The following ANO3 variants were observed in gnomAD, a reference collection of about 807,000 sequenced individuals.
ANO3 encodes anoctamin 3, also known as anoctamin-3.
A neutral mutation model predicts 144.8 loss-of-function variants in ANO3; 99 were observed. The ratio of observed to expected loss-of-function variants is 0.68; its 90% CI spans 0.58 to 0.81. The LOEUF (loss-of-function observed/expected upper bound fraction) is 0.81. Ranked by LOEUF, ANO3 falls within the 30% of genes least tolerant of loss-of-function variation. The pLI, the probability that ANO3 is intolerant of heterozygous loss-of-function variation, is 0.00. For missense variants in ANO3, 905 were observed against 1,202.2 expected (o/e 0.75, Z 3.66); for synonymous variants, 414 against 392.6 (o/e 1.05, Z -0.64).
chr11:26,207,205 C>CT lies in ANO3; in HGVS notation c.154+17877dup, dbSNP rs200720394. Among the ~76,000 whole-genome samples the CT allele has an allele frequency of 5.3e-3, 800 of 151,980 alleles. 26 individuals carry two copies. The highest frequency in any genetic ancestry group is 0.034 in the Admixed American group (514 of 15,230). Reference sequence around the variant, plus strand: ...TAGGGTATATCTTATGTTAAGTGTTCTTGTAACAAATAGTAATCAATAAAG... The same window carrying CT: ...TAGGGTATATCTTATGTTAAGTGTTCTTTGTAACAAATAGTAATCAATAAAG... On this transcript the variant is annotated intron_variant, in intron 1 of 27. Transcript: ENST00000672621.
intron 3 of ANO3, among the ~76,000 whole-genome samples, chr11:26,445,083 A>G (rs1407125489): frequency 6.6e-6 from 1 of 152,176 alleles, no homozygotes; most frequent in Non-Finnish European, 1.5e-5. Context: ...GAATATTTGT[A>G]TTATATACTT....
chr11:26,407,415 A>G (rs1857317930), intron 1 of ANO3, among the ~76,000 whole-genome samples: 1 of 151,736 alleles, frequency 6.6e-6, no homozygotes, highest in African/African-American at 2.4e-5. Context: ...AACATATTCT[A>G]GTACTGACAG....
At chr11:26,632,567 TA>T (rs1369451469) in intron 18 of ANO3, among the ~76,000 whole-genome samples, 2 of 145,942 alleles carry the variant, frequency 1.4e-5, no homozygotes, top group Admixed American at 6.9e-5. Context: ...TATAAATATA[TA>T]AAAAATATAC....
At chr11:26,329,411 C>T (rs1018918918), upstream of ANO3, among the ~76,000 whole-genome samples, 2 of 152,050 alleles carry the variant, frequency 1.3e-5, no homozygotes, top group Admixed American at 1.3e-4. Flanking sequence ...TCCTCGGCCC[C>T]TCACAAAGCT....
chr11:26,285,331 A>T lies in ANO3; in HGVS notation c.155-24314A>T, dbSNP rs374856335. Among the ~76,000 whole-genome samples, 3 of 152,238 alleles carry T rather than the reference A, an allele frequency of 2.0e-5. No individual in the cohort carries two copies. In the South Asian group the frequency reaches 6.2e-4, roughly 32 times the overall value. On this transcript the variant is annotated intron_variant, in intron 1 of 27. Coordinates refer to the ANO3 transcript ENST00000672621. ...ACTGTGATGGAAAAAGAATCTAAAAATAAAGCAAGACATGTTGTATGAAAT... is the reference window on the plus strand; with the variant it reads ...ACTGTGATGGAAAAAGAATCTAAAATTAAAGCAAGACATGTTGTATGAAAT...
At chr11:26,361,119 T>C (rs1855915456) in intron 1 of ANO3, among the ~76,000 whole-genome samples, 1 of 152,180 alleles carries the variant, frequency 6.6e-6, no homozygotes, top group Admixed American at 6.5e-5. Flanking sequence ...AATTTAACTA[T>C]ATCGGAGGTT....
rs10501059 is a variant in ANO3 at position 26,647,620 on chromosome 11, A to C, written c.2429-89A>C. ...GTGGACAGAGCTGTGGTTCCAACATAAGTAAAACATTATTTCCAAAATAAG... is the reference window on the plus strand; with the variant it reads ...GTGGACAGAGCTGTGGTTCCAACATCAGTAAAACATTATTTCCAAAATAAG... On this transcript the variant is annotated intron_variant, in intron 23 of 26. Transcript: ENST00000256737. 0.21 allele frequency: 266,626 copies of C among 1,274,500 alleles called. 29,090 individuals carry two copies. Among genetic ancestry groups the C allele is most frequent in the East Asian group, 0.33 (13,951 of 42,476 alleles). 78.9% of individuals were successfully genotyped at this position (1,274,500 alleles called of 1,614,324 possible).
intron 14 of ANO3, among the ~76,000 whole-genome samples, chr11:26,597,501 G>A (rs1490907285): frequency 6.6e-6 from 1 of 152,192 alleles, no homozygotes; most frequent in Admixed American, 6.5e-5. Context: ...GCCGGATCTG[G>A]AGGGGTTGAA....
chr11:26,564,777 A>T (rs541673691), intron 14 of ANO3, among the ~76,000 whole-genome samples: 2 of 101,654 alleles, frequency 2.0e-5, no homozygotes, highest in Non-Finnish European at 2.1e-5. Flanking sequence ...ATATATATAT[A>T]TATATATAAG....
intron 4 of ANO3, among the ~76,000 whole-genome samples, chr11:26,487,332 T>A (rs915013667): frequency 6.6e-6 from 1 of 152,210 alleles, no homozygotes; most frequent in African/African-American, 2.4e-5. Flanking sequence ...ATGTAAGAAG[T>A]GCATTTTGCC....
chr11:26,365,716 TC>T (rs1856050990), intron 1 of ANO3, among the ~76,000 whole-genome samples: 1 of 152,092 alleles, frequency 6.6e-6, no homozygotes, highest in South Asian at 2.1e-4. Context: ...AGTAGCAGTG[TC>T]CCAAGGCTGT....
At chr11:26,204,061 C>T (rs1236320828) in intron 1 of ANO3, among the ~76,000 whole-genome samples, 1 of 152,038 alleles carries the variant, frequency 6.6e-6, no homozygotes, top group Non-Finnish European at 1.5e-5. Flanking sequence ...CCTTTGAGTG[C>T]CCAAATGCCA....
At chr11:26,534,431 T>C in intron 8 of ANO3, 25 bp from the exon 9 acceptor site, 1 of 1,506,920 alleles carries the variant, frequency 6.6e-7, no homozygotes, top group Non-Finnish European at 9.2e-7. Flanking sequence ...CTTTGAATAT[T>C]AAACCAATCC....
intron 1 of ANO3, among the ~76,000 whole-genome samples, chr11:26,299,807 G>A (rs1023773663): frequency 2.0e-5 from 3 of 152,112 alleles, no homozygotes; most frequent in Non-Finnish European, 2.9e-5. Context: ...AATACAGTTC[G>A]TTTATCTAGA....
intron 1 of ANO3, among the ~76,000 whole-genome samples, chr11:26,340,596 G>A: frequency 6.6e-6 from 1 of 152,070 alleles, no homozygotes; most frequent in East Asian, 1.9e-4. Flanking sequence ...TGACAATTGA[G>A]TCAATTTCAA....
At chr11:26,321,572 A>G (rs996823437) in intron 1 of ANO3, among the ~76,000 whole-genome samples, 3 of 152,050 alleles carry the variant, frequency 2.0e-5, no homozygotes, top group Non-Finnish European at 2.9e-5. Flanking sequence ...TAAGCTATAT[A>G]TTCCTCAAAT....
At chr11:26,537,898 A>G (rs942667619) in intron 10 of ANO3, among the ~76,000 whole-genome samples, 11 of 152,330 alleles carry the variant, frequency 7.2e-5, no homozygotes, top group African/African-American at 2.2e-4. Context: ...ACAGGTTTTA[A>G]ATAGAAATGC....
intron 4 of ANO3, among the ~76,000 whole-genome samples, chr11:26,470,216 G>A (rs1421881863): frequency 1.3e-5 from 2 of 151,698 alleles, no homozygotes. Context: ...TTGAGAACAG[G>A]CTGAGATACA....
At chr11:26,392,484 C>T (rs770598254) in intron 1 of ANO3, among the ~76,000 whole-genome samples, 2 of 151,702 alleles carry the variant, frequency 1.3e-5, no homozygotes, top group Non-Finnish European at 1.5e-5. Context: ...CTGAGGGAAC[C>T]ACTATTTTTA....
Sources: gnomAD v4.1 joint callset for allele counts (sites outside exome capture counted in the v4.1 genomes callset) on GRCh38, gnomAD v4.1.1 for gene constraint, MANE v1.5 for transcripts, NCBI Gene and HGNC (gene_info 2026-07-23, HGNC 2026-07-21) for gene names.